Variants in MPDZ observed in about 807,000 individuals in gnomAD.
MPDZ encodes multiple PDZ domain crumbs cell polarity complex component.
Under a neutral mutation model 239.1 loss-of-function variants are expected in MPDZ, and 234 were observed. That is an observed-to-expected ratio of 0.98 (90% CI 0.88 to 1.09). The LOEUF (loss-of-function observed/expected upper bound fraction) is 1.09, where lower values mean the gene tolerates loss of function less well. Ranked by LOEUF, MPDZ falls within the 50% of genes least tolerant of loss-of-function variation. The pLI, the probability that MPDZ is intolerant of heterozygous loss-of-function variation, is 0.00. For synonymous variants in MPDZ, 1,048 were observed against 881.3 expected (o/e 1.19, Z -3.35); for missense variants, 3,175 against 2,510.0 (o/e 1.26, Z -5.66).
At chr9:13,189,265 T>C (rs1954571772) in intron 16 of MPDZ, among the ~76,000 whole-genome samples, 1 of 152,172 alleles carries the variant, frequency 6.6e-6, no homozygotes. Context: ...TTTAAAATTA[T>C]AATTTTAACT....
intron 1 of MPDZ, among the ~76,000 whole-genome samples, chr9:13,269,537 T>A (rs2139189368): frequency 6.6e-6 from 1 of 152,210 alleles, no homozygotes; most frequent in South Asian, 2.1e-4. Flanking sequence ...AAAATAAAAT[T>A]TGCCATGATC....
rs1307530506 is a variant in MPDZ, at chr9:13,123,205, T to C, written c.4901A>G (p.Lys1634Arg). The C allele has an allele frequency of 6.2e-7, 1 of 1,613,262 alleles. No individual in the cohort carries two copies. The highest frequency in any genetic ancestry group is 8.5e-7 in the Non-Finnish European group (1 of 1,179,828). Reference sequence around the variant, plus strand: ...GCTCAGGCCCAGCCCTGTTCGCCCTTTGGAAATCTCGATGGTTGTTTCGCA... The same window carrying C: ...GCTCAGGCCCAGCCCTGTTCGCCCTCTGGAAATCTCGATGGTTGTTTCGCA... ...PGCETTIEIS[K>R]GRTGLGLSIV... The change falls in exon 36 of 47, where the codon AAA (lysine) becomes AGA (arginine). Residue 1634 changes from lysine (K) to arginine (R), a missense_variant. Physicochemically the swap from Lys to Arg is conservative, Grantham distance 26 (BLOSUM62 2). Transcript: ENST00000319217.
rs1969597817 is a variant in MPDZ, at chr9:13,256,981, GT to G, written c.-57-6610del. ...TATATGGGGTAAGGTCCTATGTTTGGTTTCAGGCATCTACTGGGGGTCTTGG... is the reference window on the plus strand; with the variant it reads ...TATATGGGGTAAGGTCCTATGTTTGGTTCAGGCATCTACTGGGGGTCTTGG... On this transcript the variant is annotated intron_variant, in intron 1 of 46. Coordinates refer to ENST00000319217, the MANE Select transcript of MPDZ (RefSeq NM_001378778.1). 2.6e-5 allele frequency among the ~76,000 whole-genome samples: 4 copies of G among 152,232 alleles called. No homozygotes were observed. In the South Asian group the frequency reaches 8.3e-4, roughly 32 times the overall value.
In MPDZ at chr9:13,248,825, C is replaced by T. The variant is rs185600612; in HGVS notation, c.17-1024G>A. Among the ~76,000 whole-genome samples, 34 of 150,072 alleles carry T rather than the reference C, an allele frequency of 2.3e-4. No individual in the cohort carries two copies. The East Asian group carries it at 6.7e-3, about 30-fold the overall frequency. The stretch of plus-strand genomic sequence containing the variant: ...TCTACTAAAAAAAAATAAAAAAAAT[C>T]AGATGGGTGTAGTGGCATATGCCTG... On this transcript the variant is annotated intron_variant, in intron 2 of 46. Transcript: ENST00000319217.
At chr9:13,125,595 G>C (rs1349113177) in intron 34 of MPDZ, among the ~76,000 whole-genome samples, 1 of 152,100 alleles carries the variant, frequency 6.6e-6, no homozygotes. Context: ...ATGTAGATTA[G>C]GGCCATGGTT....
chr9:13,142,634 A>C (rs1469448409), intron 27 of MPDZ, among the ~76,000 whole-genome samples: 1 of 152,218 alleles, frequency 6.6e-6, no homozygotes, highest in East Asian at 1.9e-4. Flanking sequence ...ACAAACCTTA[A>C]AGGGTGTGGG....
chr9:13,193,019 T>C, intron 14 of MPDZ, 148 bp downstream of exon 14: 1 of 627,942 alleles, frequency 1.6e-6, no homozygotes, highest in Non-Finnish European at 2.3e-6. Flanking sequence ...ATACAAAATT[T>C]CTGCTTTGGG....
intron 1 of MPDZ, among the ~76,000 whole-genome samples, chr9:13,272,252 T>C (rs948672853): frequency 2.6e-5 from 4 of 152,186 alleles, no homozygotes; most frequent in Admixed American, 6.5e-5. Context: ...AGGTTGACTT[T>C]AGCATCCAAC....
At chr9:13,138,989 A>G (rs1471005256) in intron 28 of MPDZ, among the ~76,000 whole-genome samples, 1 of 152,236 alleles carries the variant, frequency 6.6e-6, no homozygotes, top group African/African-American at 2.4e-5. Context: ...GAAACATTTC[A>G]GTTCACGTTT....
chr9:13,121,143 C>T (rs1944280716), intron 38 of MPDZ, among the ~76,000 whole-genome samples: 1 of 152,174 alleles, frequency 6.6e-6, no homozygotes, highest in South Asian at 2.1e-4. Flanking sequence ...ACCACCCGGG[C>T]CCCCTGCTTT....
chr9:13,226,737 C>T (rs188733951), intron 3 of MPDZ, among the ~76,000 whole-genome samples: 6 of 152,106 alleles, frequency 3.9e-5, no homozygotes, highest in South Asian at 2.1e-4. Flanking sequence ...CAGTGGAGAC[C>T]GACTAGAATG....
At chr9:13,194,118 A>C (rs529715497) in intron 13 of MPDZ, among the ~76,000 whole-genome samples, 1 of 152,298 alleles carries the variant, frequency 6.6e-6, no homozygotes, top group Non-Finnish European at 1.5e-5. Flanking sequence ...GTCCTGTTAC[A>C]CTACTTCCCT....
At chr9:13,273,636 T>C (rs988879163) in intron 1 of MPDZ, among the ~76,000 whole-genome samples, 2 of 152,198 alleles carry the variant, frequency 1.3e-5, no homozygotes, top group Non-Finnish European at 2.9e-5. Context: ...CCAATGGAAA[T>C]ATCATGTGAG....
At chr9:13,175,420 T>C (rs1952336190) in intron 21 of MPDZ, among the ~76,000 whole-genome samples, 1 of 152,210 alleles carries the variant, frequency 6.6e-6, no homozygotes, top group Non-Finnish European at 1.5e-5. Context: ...CCAAAGAATT[T>C]AGAATTCCAA....
rs1326826789 is a variant in MPDZ at position 13,222,255 on chromosome 9, G to C, written c.725C>G (p.Thr242Arg). The change falls in exon 6 of 47, where the codon ACA (threonine) becomes AGA (arginine). Residue 242 changes from threonine to arginine, a missense_variant. Coordinates refer to ENST00000319217, the MANE Select transcript of MPDZ (RefSeq NM_001378778.1). ...CACCGGATTAGAGTGAGCTGAAATT[G>C]TGCTGGCTGCAGATGGAGAACGGGA... ...IVSRSPSAAS[T>R]ISAHSNPVHW... 6.2e-7 allele frequency: 1 copy of C among 1,612,520 alleles called. No individual in the cohort carries two copies. Among genetic ancestry groups the C allele is most frequent in the South Asian group, 1.1e-5 (1 of 91,010 alleles).
At chr9:13,277,133 G>C (rs540113951) in intron 1 of MPDZ, among the ~76,000 whole-genome samples, 1 of 152,148 alleles carries the variant, frequency 6.6e-6, no homozygotes, top group South Asian at 2.1e-4. Flanking sequence ...TGTCTTTAAG[G>C]GTCAAGCAGA....
chr9:13,279,630 C>G lies in MPDZ; in HGVS notation c.-288G>C, dbSNP rs1472255504. 5 of 150,034 alleles carry G rather than the reference C, an allele frequency of 3.3e-5. No individual in the cohort carries two copies. Among genetic ancestry groups the G allele is most frequent in the African/African-American group, 1.2e-4 (5 of 41,242 alleles). 9.3% of individuals were successfully genotyped at this position (150,034 alleles called of 1,614,324 possible). A position where few individuals can be genotyped will look rare whatever the true frequency, so the allele number is the denominator to read the frequency against. On this transcript the variant is annotated 5_prime_UTR_variant, in exon 1 of 47. Transcript: ENST00000319217. ...CCTAGCGCTCCGCCGCGCCCCCTCC[C>G]CCAGCGCGCGCCGCACTTGCGCCGA...
chr9:13,221,271 A>T, intron 7 of MPDZ, 101 bp downstream of exon 7: 1 of 1,281,850 alleles, frequency 7.8e-7, no homozygotes, highest in Non-Finnish European at 1.0e-6. Context: ...TTTCTTTGGC[A>T]TCATTTAAGG....
In MPDZ at chr9:13,150,632, C is replaced by T. The variant is rs768403539; in HGVS notation, c.3509G>A (p.Arg1170Gln). 43 of 1,526,608 alleles carry T rather than the reference C, an allele frequency of 2.8e-5. No homozygotes were observed. The highest frequency in any genetic ancestry group is 3.6e-5 in the Non-Finnish European group (41 of 1,134,486). The allele number at this position is 1,526,608 out of a possible 1,614,324, so 94.6% of individuals were successfully genotyped here. ...KSLGISIVGG[R>Q]GMGSRLSNGE... ...ATTGCTTAGCCGACTCCCCATCCCTCGTCCACCAACAATGCTGATGCCTAA... is the reference window on the plus strand; with the variant it reads ...ATTGCTTAGCCGACTCCCCATCCCTTGTCCACCAACAATGCTGATGCCTAA... Residue 1170 changes from arginine (R) to glutamine (Q), a missense_variant, in exon 25 of 47, where the codon CGA (arginine) becomes CAA (glutamine). Coordinates refer to ENST00000319217, the MANE Select transcript of MPDZ (RefSeq NM_001378778.1).
Sources: allele counts gnomAD v4.1 joint callset (sites outside exome capture counted in the v4.1 genomes callset), GRCh38; gene constraint gnomAD v4.1.1; transcripts MANE v1.5; gene names NCBI Gene and HGNC (gene_info 2026-07-23, HGNC 2026-07-21).